The following FSIP1 variants were observed in gnomAD, a reference collection of about 807,000 sequenced individuals.
FSIP1 encodes the protein fibrous sheath interacting protein 1, also known as fibrous sheath-interacting protein 1.
A neutral mutation model predicts 60.9 loss-of-function variants in FSIP1; 65 were observed. The ratio of observed to expected loss-of-function variants is 1.07; its 90% CI spans 0.87 to 1.31. FSIP1 has a LOEUF of 1.31. Ranked by LOEUF, FSIP1 falls within the 40% of genes most tolerant of loss-of-function variation. FSIP1 has a pLI of 0.00. For missense variants in FSIP1, 675 were observed against 665.5 expected, an observed-to-expected ratio of 1.01 and a Z score of -0.16; for synonymous variants, 209 against 221.2, an observed-to-expected ratio of 0.94 and a Z score of 0.49.
At chr15:39,666,688 T>C (rs1477265739) in intron 10 of FSIP1, among the ~76,000 whole-genome samples, 1 of 152,236 alleles carries the variant, frequency 6.6e-6, no homozygotes, top group African/African-American at 2.4e-5. Context: ...TCTCGTGTTT[T>C]CTTAGCGGCA....
intron 2 of FSIP1, 36 bp downstream of exon 2, chr15:39,776,363 G>T (rs373815254): frequency 6.3e-6 from 10 of 1,597,044 alleles, no homozygotes; most frequent in Non-Finnish European, 8.5e-6. Flanking sequence ...GAGAGGTTGG[G>T]GAAAGGAGTT....
chr15:39,687,709 T>C (rs1028906975), intron 10 of FSIP1, among the ~76,000 whole-genome samples: 3 of 152,222 alleles, frequency 2.0e-5, no homozygotes, highest in African/African-American at 4.8e-5. Flanking sequence ...CTACCCATGG[T>C]GTTTGTAAAC....
intron 2 of FSIP1, 149 bp downstream of exon 2, chr15:39,776,250 C>T (rs1898060484): frequency 2.0e-6 from 1 of 489,636 alleles, no homozygotes; most frequent in African/African-American, 2.1e-5. Context: ...TCATATTAAT[C>T]TAGATTAAAA....
chr15:39,759,438 C>T (rs1229236106), intron 5 of FSIP1, among the ~76,000 whole-genome samples: 3 of 152,086 alleles, frequency 2.0e-5, no homozygotes, highest in East Asian at 3.8e-4. Flanking sequence ...CAAAATCCAT[C>T]GTTGGCATAG....
chr15:39,605,947 C>T (rs1441677706), intron 11 of FSIP1, among the ~76,000 whole-genome samples: 1 of 152,236 alleles, frequency 6.6e-6, no homozygotes, highest in African/African-American at 2.4e-5. Flanking sequence ...CTCCATCTAG[C>T]AGCAGAGCAA....
intron 3 of FSIP1, among the ~76,000 whole-genome samples, chr15:39,768,869 T>G (rs994847640): frequency 2.6e-5 from 4 of 152,094 alleles, no homozygotes. Context: ...GAATGGATCT[T>G]TTATCCTACA....
intron 10 of FSIP1, among the ~76,000 whole-genome samples, chr15:39,670,233 G>A (rs1172823911): frequency 6.6e-6 from 1 of 152,164 alleles, no homozygotes; most frequent in Non-Finnish European, 1.5e-5. Flanking sequence ...CGTCCAGAAT[G>A]TATTCATTCA....
At chr15:39,717,817 T>A (rs918476867) in intron 9 of FSIP1, among the ~76,000 whole-genome samples, 19 of 152,252 alleles carry the variant, frequency 1.2e-4, no homozygotes, top group Non-Finnish European at 1.5e-5. Flanking sequence ...CAGGTCTTTA[T>A]AATTCTCCCA....
Position 39,618,055 on chromosome 15 carries a change from A to C in FSIP1, c.1379T>G (p.Val460Gly), listed in dbSNP as rs1204472249. ...SKLLNESETK[V>G]QKTEVEDADM... is the part of the protein sequence containing the mutation. ...TGCATCTTCTACCTCAGTTTTCTGG[A>C]CCTTTGTTTCTGATTCATTTAGCAA... Residue 460 changes from valine to glycine, a missense_variant, in exon 11 of 12, where the codon GTC becomes GGC. Physicochemically the swap from Val to Gly is moderately radical, Grantham distance 109 (BLOSUM62 -3). Coordinates refer to ENST00000350221, the MANE Select transcript of FSIP1 (RefSeq NM_152597.5). 6.2e-7 allele frequency: 1 copy of C among 1,614,136 alleles called. No homozygotes were observed.
At chr15:39,693,941 A>AC (rs201795677) in intron 10 of FSIP1, among the ~76,000 whole-genome samples, 5 of 152,048 alleles carry the variant, frequency 3.3e-5, no homozygotes, top group Admixed American at 2.0e-4. Context: ...TATTCTCATC[A>AC]CAAAAAAAAA....
chr15:39,723,187 GCCCAAGT>G (rs920649002), intron 9 of FSIP1, among the ~76,000 whole-genome samples: 5 of 152,054 alleles, frequency 3.3e-5, no homozygotes, highest in African/African-American at 1.2e-4. Flanking sequence ...TCTAATTAGT[GCCCAAGT>G]CCACAGAACT....
chr15:39,607,565 A>G (rs1032010234), intron 11 of FSIP1, among the ~76,000 whole-genome samples: 7 of 152,258 alleles, frequency 4.6e-5, no homozygotes, highest in Non-Finnish European at 1.0e-4. Flanking sequence ...TGAAGCTTAA[A>G]GCACAAACAT....
At chr15:39,716,317 G>A (rs1449458699) in intron 9 of FSIP1, among the ~76,000 whole-genome samples, 1 of 151,960 alleles carries the variant, frequency 6.6e-6, no homozygotes, top group Non-Finnish European at 1.5e-5. Flanking sequence ...CTAAATCTTG[G>A]GGCAAGCAAA....
chr15:39,733,011 G>A (rs900626027), intron 8 of FSIP1, among the ~76,000 whole-genome samples: 2 of 152,236 alleles, frequency 1.3e-5, no homozygotes, highest in Non-Finnish European at 2.9e-5. Flanking sequence ...CAGATAAGAG[G>A]ACTTGCAGAA....
chr15:39,691,364 C>T (rs1048127771), intron 10 of FSIP1, among the ~76,000 whole-genome samples: 4 of 152,202 alleles, frequency 2.6e-5, no homozygotes, highest in African/African-American at 9.6e-5. Flanking sequence ...ATGAAAGTCG[C>T]CCCACTGCAA....
At chr15:39,695,461 T>C (rs1339427303) in intron 10 of FSIP1, among the ~76,000 whole-genome samples, 1 of 152,090 alleles carries the variant, frequency 6.6e-6, no homozygotes, top group Non-Finnish European at 1.5e-5. Flanking sequence ...AATTATTGTT[T>C]ATATACTCCC....
rs372888165 is a variant in FSIP1, at chr15:39,737,921, G to A, written c.891+170C>T. Among the ~76,000 whole-genome samples the A allele has an allele frequency of 6.6e-5, 10 of 152,126 alleles. No homozygotes were observed. In the East Asian group the frequency reaches 9.6e-4, roughly 15 times the overall value. On this transcript the variant is annotated intron_variant, in intron 8 of 11. Transcript: ENST00000350221. ...TTCCCACTTAAAAGTGAGAACACCC[G>A]CGGTATTTTGTTATCTGTTCCTGTG... is the stretch of plus-strand genomic sequence containing the variant.
intron 10 of FSIP1, among the ~76,000 whole-genome samples, chr15:39,637,669 G>C (rs994111639): frequency 6.6e-6 from 1 of 152,176 alleles, no homozygotes; most frequent in Non-Finnish European, 1.5e-5. Flanking sequence ...TAGCCAAGGT[G>C]GCTGTGATAC....
chr15:39,697,208 G>C (rs547838341), intron 10 of FSIP1, among the ~76,000 whole-genome samples: 11 of 152,026 alleles, frequency 7.2e-5, no homozygotes, highest in Admixed American at 2.0e-4. Context: ...TTGGGTACAA[G>C]AGAACCTTTC....
Sources: gnomAD v4.1 joint callset for allele counts (sites outside exome capture counted in the v4.1 genomes callset) on GRCh38, gnomAD v4.1.1 for gene constraint, MANE v1.5 for transcripts, NCBI Gene and HGNC (gene_info 2026-07-23, HGNC 2026-07-21) for gene names.